Variants in ZC2HC1A observed in about 807,000 individuals in gnomAD.
The protein encoded by ZC2HC1A is zinc finger C2HC-type containing 1A.
Under a neutral mutation model 40.7 loss-of-function variants are expected in ZC2HC1A, and 28 were observed. The ratio of observed to expected loss-of-function variants is 0.69; its 90% CI spans 0.51 to 0.94. The LOEUF is 0.94. ZC2HC1A is among the 40% of genes least tolerant of loss of function. ZC2HC1A has a pLI of 0.00. For missense variants in ZC2HC1A, 389 were observed against 386.3 expected, an observed-to-expected ratio of 1.01 and a Z score of -0.06; for synonymous variants, 129 against 129.2, an observed-to-expected ratio of 1.00 and a Z score of 0.01.
At chr8:78,675,740 C>A in intron 1 of ZC2HC1A, 47 bp from the exon 2 acceptor site, 2 of 1,473,684 alleles carry the variant, frequency 1.4e-6, no homozygotes, top group South Asian at 2.5e-5. Context: ...TGAAGTTTCA[C>A]AATTTCAAGT....
At chr8:78,702,392 A>G (rs1810632515) in intron 7 of ZC2HC1A, among the ~76,000 whole-genome samples, 1 of 151,936 alleles carries the variant, frequency 6.6e-6, no homozygotes, top group Admixed American at 6.6e-5. Flanking sequence ...CAGCCTATAT[A>G]TTTTATCAAT....
Position 78,715,286 on chromosome 8 carries a change from T to C in ZC2HC1A, c.770T>C (p.Leu257Pro). The change falls in exon 8 of 9, where the codon CTT becomes CCT. Residue 257 changes from leucine (L) to proline (P), a missense_variant. By Grantham distance (98) the Leu-to-Pro change is moderately conservative. Coordinates refer to ENST00000263849, the MANE Select transcript of ZC2HC1A (RefSeq NM_016010.3). ...GCAAGAAATCCTGCCCCAGGTGTGC[T>C]TACAAACAAAAGAAAAACATATACT... ...SLARNPAPGV[L>P]TNKRKTYTES... is the part of the protein sequence containing the mutation. The C allele has an allele frequency of 6.2e-7, 1 of 1,613,896 alleles. No homozygotes were observed. Among genetic ancestry groups the C allele is most frequent in the Non-Finnish European group, 8.5e-7 (1 of 1,179,914 alleles).
At chr8:78,684,717 G>A (rs1009053002) in intron 3 of ZC2HC1A, among the ~76,000 whole-genome samples, 2 of 152,042 alleles carry the variant, frequency 1.3e-5, no homozygotes. Context: ...TCAGCAAACA[G>A]GCTCTTGAGA....
At chr8:78,670,480 CT>C (rs1053422423) in intron 1 of ZC2HC1A, among the ~76,000 whole-genome samples, 1 of 152,114 alleles carries the variant, frequency 6.6e-6, no homozygotes, top group Non-Finnish European at 1.5e-5. Context: ...TACTAAGCTT[CT>C]TTTTTTAAGA....
chr8:78,696,120 C>T (rs534340846), intron 5 of ZC2HC1A, among the ~76,000 whole-genome samples: 26 of 151,880 alleles, frequency 1.7e-4, no homozygotes, highest in East Asian at 1.5e-3. Context: ...CTGCAAGCTC[C>T]GCCTCCTGGG....
intron 7 of ZC2HC1A, among the ~76,000 whole-genome samples, chr8:78,705,640 G>C (rs1226742419): frequency 1.3e-5 from 2 of 152,022 alleles, no homozygotes; most frequent in African/African-American, 4.8e-5. Flanking sequence ...TCCACCTCTG[G>C]GTCGGCATGG....
At chr8:78,709,794 T>C (rs1586028325) in intron 7 of ZC2HC1A, among the ~76,000 whole-genome samples, 1 of 152,288 alleles carries the variant, frequency 6.6e-6, no homozygotes, top group East Asian at 1.9e-4. Flanking sequence ...CAAAGCCATC[T>C]TGGGTGGCAT....
chr8:78,676,254 T>G (rs1238718767), intron 2 of ZC2HC1A: 1 of 154,644 alleles, frequency 6.5e-6, no homozygotes, highest in Non-Finnish European at 1.4e-5. Context: ...ACAAAATAGC[T>G]AAAATGTTGG....
At chr8:78,695,907 G>T (rs1417816485) in intron 5 of ZC2HC1A, among the ~76,000 whole-genome samples, 1 of 152,110 alleles carries the variant, frequency 6.6e-6, no homozygotes, top group East Asian at 1.9e-4. Flanking sequence ...AGAGTTAGAA[G>T]GATATAATGT....
intron 2 of ZC2HC1A, among the ~76,000 whole-genome samples, chr8:78,678,012 A>C (rs759076739): frequency 1.3e-5 from 2 of 152,142 alleles, no homozygotes; most frequent in Non-Finnish European, 2.9e-5. Context: ...GCAAACTGTC[A>C]TGGCGCTGGT....
chr8:78,705,489 G>T (rs1234814081), intron 7 of ZC2HC1A, among the ~76,000 whole-genome samples: 1 of 152,182 alleles, frequency 6.6e-6, no homozygotes, highest in Non-Finnish European at 1.5e-5. Context: ...ACCTCTGTCA[G>T]CCAAAGAACA....
rs1009426992 is a variant in ZC2HC1A, at chr8:78,698,511, A to G, written c.702A>G (p.Ala234=). Residue 234 remains alanine (A), a splice_region_variant and synonymous_variant, in exon 7 of 9, where the codon GCA becomes GCG. Coordinates refer to ENST00000263849, the MANE Select transcript of ZC2HC1A (RefSeq NM_016010.3). The stretch of plus-strand genomic sequence containing the variant: ...ATAAAGGGATAGCAGCCCCTCATGC[A>G]GGGTAAGTCTACACTGGATATAATT... ...PSHKGIAAPH[A]GANVKPRNST... is the part of the protein sequence containing the mutation. 3.7e-6 allele frequency: 6 copies of G among 1,600,558 alleles called. No individual in the cohort carries two copies. The highest frequency in any genetic ancestry group is 4.3e-6 in the Non-Finnish European group (5 of 1,170,186).
At chr8:78,688,284 T>C (rs1256599966) in intron 4 of ZC2HC1A, among the ~76,000 whole-genome samples, 1 of 151,906 alleles carries the variant, frequency 6.6e-6, no homozygotes, top group Non-Finnish European at 1.5e-5. Context: ...TATAAGAGAG[T>C]GAGAGGGTAC....
chr8:78,685,578 G>A (rs1013338461), intron 3 of ZC2HC1A, among the ~76,000 whole-genome samples: 2 of 152,130 alleles, frequency 1.3e-5, no homozygotes, highest in Admixed American at 1.3e-4. Context: ...TTACATTAAA[G>A]GCCAATAACT....
At chr8:78,706,902 A>G in intron 7 of ZC2HC1A, among the ~76,000 whole-genome samples, 1 of 152,188 alleles carries the variant, frequency 6.6e-6, no homozygotes, top group East Asian at 1.9e-4. Flanking sequence ...AACCAACAAT[A>G]TCTTTTGAGT....
intron 3 of ZC2HC1A, among the ~76,000 whole-genome samples, chr8:78,680,586 A>T (rs1381919091): frequency 6.6e-6 from 1 of 152,216 alleles, no homozygotes; most frequent in African/African-American, 2.4e-5. Context: ...AAATCCTACA[A>T]AATCATAAGC....
chr8:78,681,443 A>G (rs1809775413), intron 3 of ZC2HC1A, among the ~76,000 whole-genome samples: 1 of 152,182 alleles, frequency 6.6e-6, no homozygotes, highest in African/African-American at 2.4e-5. Context: ...AGAAATGTTA[A>G]AGAGTCAGTA....
At chr8:78,716,599 T>C (rs1014105078) in intron 8 of ZC2HC1A, among the ~76,000 whole-genome samples, 4 of 152,202 alleles carry the variant, frequency 2.6e-5, no homozygotes, top group Admixed American at 2.6e-4. Context: ...TAAGGATCTC[T>C]ATCTTTCCTC....
intron 7 of ZC2HC1A, among the ~76,000 whole-genome samples, chr8:78,699,196 A>C (rs1445449839): frequency 6.6e-6 from 1 of 152,096 alleles, no homozygotes; most frequent in East Asian, 1.9e-4. Flanking sequence ...TGATTCTCTT[A>C]ATTTAATCCT....
Sources: allele counts gnomAD v4.1 joint callset (sites outside exome capture counted in the v4.1 genomes callset), GRCh38; gene constraint gnomAD v4.1.1; transcripts MANE v1.5; gene names NCBI Gene and HGNC (gene_info 2026-07-23, HGNC 2026-07-21).